Variants in MAN1C1 observed in about 807,000 individuals in gnomAD.
MAN1C1 encodes mannosyl-oligosaccharide 1,2-alpha-mannosidase IC.
In MAN1C1, 49 loss-of-function variants were observed where a neutral mutation model predicts 71.5. The observed-to-expected ratio is 0.69, with a 90% CI of 0.54 to 0.87. The LOEUF (loss-of-function observed/expected upper bound fraction) is 0.87. MAN1C1 is among the 40% of genes least tolerant of loss of function. The pLI is 0.00. For synonymous variants in MAN1C1, 352 were observed against 343.7 expected (o/e 1.02, Z -0.27); for missense variants, 743 against 835.0 (o/e 0.89, Z 1.36).
intron 1 of MAN1C1, among the ~76,000 whole-genome samples, chr1:25,678,832 T>C (rs1355140669): frequency 6.6e-6 from 1 of 152,098 alleles, no homozygotes; most frequent in Non-Finnish European, 1.5e-5. Flanking sequence ...AAAGGTACAA[T>C]ATGAGAGGGA....
chr1:25,651,105 C>T (rs1424001401), intron 1 of MAN1C1, among the ~76,000 whole-genome samples: 1 of 152,210 alleles, frequency 6.6e-6, no homozygotes, highest in Non-Finnish European at 1.5e-5. Flanking sequence ...AGGGGCCGCT[C>T]ACCAACTGAA....
rs1279711067 is a variant in MAN1C1 at position 25,648,582 on chromosome 1, C to G, written c.540+30245C>G. On this transcript the variant is annotated intron_variant, in intron 1 of 11. Coordinates refer to ENST00000374332, the MANE Select transcript of MAN1C1 (RefSeq NM_020379.4). ...ATCTTGACCTCTGGCTCTGCCCCAT[C>G]TGTCCCTGCCCTTTACTGGGCAGCA... Among the ~76,000 whole-genome samples, 3 of 152,314 alleles carry G rather than the reference C, an allele frequency of 2.0e-5. No individual in the cohort carries two copies. In the East Asian group the frequency reaches 5.8e-4, roughly 29 times the overall value.
chr1:25,705,245 A>C (rs998305976), intron 2 of MAN1C1, among the ~76,000 whole-genome samples: 1 of 152,246 alleles, frequency 6.6e-6, no homozygotes, highest in Non-Finnish European at 1.5e-5. Context: ...ATGAACAGAT[A>C]TAAATCTGTA....
chr1:25,768,983 C>G (rs2047505238), intron 7 of MAN1C1, among the ~76,000 whole-genome samples: 1 of 142,538 alleles, frequency 7.0e-6, no homozygotes, highest in Non-Finnish European at 1.6e-5. Flanking sequence ...ACACACACTC[C>G]CCTCACATAT....
rs2045114004 is a variant in MAN1C1 at position 25,617,290 on chromosome 1, C to G, written c.-508C>G. ...GGGGCGGCGCTGACACGCCAGCCCC[C>G]CATCGCCTCGGTCCCCTCCGGAAAC... On this transcript the variant is annotated 5_prime_UTR_variant, in exon 1 of 12. Transcript: ENST00000374332. The surrounding 1 kb of genome is among the most constrained non-coding windows in gnomAD (Gnocchi z 5.1). Among the ~76,000 whole-genome samples the G allele has an allele frequency of 6.6e-6, 1 of 151,944 alleles. No homozygotes were observed. The highest frequency in any genetic ancestry group is 6.6e-5 in the Admixed American group (1 of 15,260).
intron 6 of MAN1C1, 93 bp from the exon 7 acceptor site, chr1:25,763,781 C>A: frequency 2.1e-6 from 2 of 962,024 alleles, no homozygotes; most frequent in South Asian, 1.3e-5. Flanking sequence ...TTCCTCCATG[C>A]ATCTGAACCA....
intron 2 of MAN1C1, among the ~76,000 whole-genome samples, chr1:25,701,258 C>G (rs1429905140): frequency 6.6e-6 from 1 of 152,230 alleles, no homozygotes; most frequent in African/African-American, 2.4e-5. Context: ...GGAAGGGTCC[C>G]TTTGCATTGT....
intron 7 of MAN1C1, among the ~76,000 whole-genome samples, chr1:25,768,846 TTACA>T (rs1162071912): frequency 8.6e-6 from 1 of 116,896 alleles, no homozygotes. Context: ...ACCACACACA[TTACA>T]TACACTCTCC....
chr1:25,687,437 C>T (rs76656855), intron 2 of MAN1C1, among the ~76,000 whole-genome samples: 1 of 152,170 alleles, frequency 6.6e-6, no homozygotes, highest in Non-Finnish European at 1.5e-5. Flanking sequence ...GCCTCCATCT[C>T]CCCTGAGGGA....
At chr1:25,689,880 A>G (rs1392627634) in intron 2 of MAN1C1, among the ~76,000 whole-genome samples, 1 of 152,140 alleles carries the variant, frequency 6.6e-6, no homozygotes, top group Non-Finnish European at 1.5e-5. Flanking sequence ...ACTGGCTCTT[A>G]CGGCCTCGTC....
At position 25,716,152 on chromosome 1, in the gene MAN1C1, G is replaced by A. The variant is rs370697634; in HGVS notation, c.637+29616G>A. Among the ~76,000 whole-genome samples the A allele has an allele frequency of 3.2e-4, 49 of 152,326 alleles. 1 individual carries two copies. Among genetic ancestry groups the A allele is most frequent in the African/African-American group, 1.2e-3 (49 of 41,564 alleles). On this transcript the variant is annotated intron_variant, in intron 2 of 11. Coordinates refer to ENST00000374332, the MANE Select transcript of MAN1C1 (RefSeq NM_020379.4). ...CCAGAACTCAGTCATATGCCTACAC[G>A]TAGCTGGAAGGGAGGCTGGGAAATG...
At chr1:25,736,957 G>A (rs1199259204) in intron 2 of MAN1C1, among the ~76,000 whole-genome samples, 1 of 152,210 alleles carries the variant, frequency 6.6e-6, no homozygotes, top group Non-Finnish European at 1.5e-5. Flanking sequence ...TCCCTATCCA[G>A]GCCTCGCAGG....
In MAN1C1 at chr1:25,764,606, G is replaced by T. The variant is rs1001715631; in HGVS notation, c.1141+639G>T. On this transcript the variant is annotated intron_variant, in intron 7 of 11. Transcript: ENST00000374332. The surrounding 1 kb of genome is among the most constrained non-coding windows in gnomAD (Gnocchi z 4.4). ...TTTTTTGTATTTTTAGTAGAGATGG[G>T]GTTTAGTAGAGATGTTGGCCAAGCT... Among the ~76,000 whole-genome samples the T allele has an allele frequency of 6.6e-6, 1 of 151,784 alleles. No individual in the cohort carries two copies. The highest frequency in any genetic ancestry group is 1.5e-5 in the Non-Finnish European group (1 of 67,964).
At chr1:25,697,416 A>T (rs2046383453) in intron 2 of MAN1C1, among the ~76,000 whole-genome samples, 1 of 152,236 alleles carries the variant, frequency 6.6e-6, no homozygotes, top group Non-Finnish European at 1.5e-5. Context: ...ATTCCTTTGT[A>T]TGGATATCCC....
intron 1 of MAN1C1, among the ~76,000 whole-genome samples, chr1:25,675,737 C>A (rs1572140823): frequency 6.6e-6 from 1 of 152,306 alleles, no homozygotes; most frequent in East Asian, 1.9e-4. Context: ...CTTTTCACCA[C>A]ATCCATGCCA....
Position 25,631,131 on chromosome 1 carries a change from A to AT in MAN1C1, c.540+12802dup, listed in dbSNP as rs199714790. Reference sequence around the variant, plus strand: ...AGGCATGTACCACCACGCCTGGTTAATTTTTTTTGTATTTTTAGAAGAGAC... The same window carrying AT: ...AGGCATGTACCACCACGCCTGGTTAATTTTTTTTTGTATTTTTAGAAGAGAC... On this transcript the variant is annotated intron_variant, in intron 1 of 11. Coordinates refer to ENST00000374332, the MANE Select transcript of MAN1C1 (RefSeq NM_020379.4). This position sits in a 1 kb window ranked among gnomAD's most constrained non-coding sequence, Gnocchi z 4.2. Among the ~76,000 whole-genome samples the AT allele has an allele frequency of 7.9e-5, 12 of 151,766 alleles. No individual in the cohort carries two copies. In the East Asian group the frequency reaches 9.7e-4, roughly 12 times the overall value.
At chr1:25,738,723 CAGTCAGAA>C (rs1294422025) in intron 2 of MAN1C1, among the ~76,000 whole-genome samples, 2 of 152,092 alleles carry the variant, frequency 1.3e-5, no homozygotes, top group Non-Finnish European at 2.9e-5. Flanking sequence ...ATGGGACTGT[CAGTCAGAA>C]AACTGATACA....
At chr1:25,695,387 T>G (rs1475174746) in intron 2 of MAN1C1, among the ~76,000 whole-genome samples, 1 of 152,128 alleles carries the variant, frequency 6.6e-6, no homozygotes, top group Non-Finnish European at 1.5e-5. Flanking sequence ...TGGTCACTGA[T>G]AGCCAGGCCC....
intron 1 of MAN1C1, among the ~76,000 whole-genome samples, chr1:25,684,319 A>G (rs958481752): frequency 3.3e-5 from 5 of 152,186 alleles, no homozygotes; most frequent in African/African-American, 1.2e-4. Flanking sequence ...CCAATTCAAG[A>G]TAAGTAGAAA....
Sources: allele counts gnomAD v4.1 joint callset (sites outside exome capture counted in the v4.1 genomes callset), GRCh38; gene constraint gnomAD v4.1.1; non-coding constraint Gnocchi (gnomAD v3.1); transcripts MANE v1.5; gene names NCBI Gene and HGNC (gene_info 2026-07-23, HGNC 2026-07-21).